The following OSBPL5 variants were observed in gnomAD, a reference collection of about 807,000 sequenced individuals.
OSBPL5 encodes oxysterol binding protein like 5.
In OSBPL5, 71 loss-of-function variants were observed where a neutral mutation model predicts 111.2. The observed-to-expected ratio is 0.64, with a 90% confidence interval of 0.53 to 0.78. The LOEUF is 0.78. Ranked by LOEUF, OSBPL5 falls within the 30% of genes least tolerant of loss-of-function variation. The pLI is 0.00. For missense variants in OSBPL5, 1,210 were observed against 1,189.3 expected (o/e 1.02, Z -0.26); for synonymous variants, 549 against 513.9 (o/e 1.07, Z -0.93).
chr11:3,122,334 G>C lies in OSBPL5; in HGVS notation c.300+14C>G. On this transcript the variant is annotated intron_variant, in intron 4 of 21. Transcript: ENST00000263650. ...ACAGTGACACTGCTGCACCCTCCCCGGGCCCGGGCTCACCTTGAGAGTCTC... is the reference window on the plus strand; with the variant it reads ...ACAGTGACACTGCTGCACCCTCCCCCGGCCCGGGCTCACCTTGAGAGTCTC... The C allele has an allele frequency of 6.2e-7, 1 of 1,611,242 alleles. No individual in the cohort carries two copies. The highest frequency in any genetic ancestry group is 8.5e-7 in the Non-Finnish European group (1 of 1,178,752).
intron 17 of OSBPL5, 88 bp from the exon 18 acceptor site, chr11:3,093,140 GAAGGCACAGA>G: frequency 2.2e-6 from 3 of 1,345,434 alleles, no homozygotes; most frequent in Non-Finnish European, 3.0e-6. Flanking sequence ...GCACCAGAAG[GAAGGCACAGA>G]GCAACCTCTG....
rs1234323014 is a variant in OSBPL5, at chr11:3,126,434, G to T, written c.219+39C>A. The T allele has an allele frequency of 1.9e-6, 3 of 1,542,080 alleles. No individual in the cohort carries two copies. The highest frequency in any genetic ancestry group is 2.8e-5 in the African/African-American group (2 of 72,682). ...CCGTTTCCTGCTGTCCCCAGAGCCAGGCTCTGGCTCATGGATCCTCCTATA... is the reference window on the plus strand; with the variant it reads ...CCGTTTCCTGCTGTCCCCAGAGCCATGCTCTGGCTCATGGATCCTCCTATA... On this transcript the variant is annotated intron_variant, in intron 3 of 21. Transcript: ENST00000263650. This position sits in a 1 kb window ranked among gnomAD's most constrained non-coding sequence, Gnocchi z 6.5.
intron 2 of OSBPL5, among the ~76,000 whole-genome samples, chr11:3,127,637 C>T (rs1413593631): frequency 1.3e-5 from 2 of 152,258 alleles, no homozygotes; most frequent in Admixed American, 1.3e-4. Flanking sequence ...AGCAGGAGCG[C>T]TCTTCCCTCT....
At chr11:3,117,239 C>T (rs1193701894) in intron 7 of OSBPL5, among the ~76,000 whole-genome samples, 3 of 149,364 alleles carry the variant, frequency 2.0e-5, no homozygotes, top group Admixed American at 6.6e-5. Context: ...CTTGGAAAAA[C>T]TGGCCTCATA....
Position 3,130,858 on chromosome 11 carries a change from AG to A in OSBPL5, c.-21-1690del, listed in dbSNP as rs1858800965. Reference sequence around the variant, plus strand: ...CACAACAAACACGTCCTACTTGCCCAGGTGCAGCTCAGGATGGGAACCAGCA... The same window carrying A: ...CACAACAAACACGTCCTACTTGCCCAGTGCAGCTCAGGATGGGAACCAGCA... On this transcript the variant is annotated intron_variant, in intron 1 of 21. Transcript: ENST00000263650. This position sits in a 1 kb window ranked among gnomAD's most constrained non-coding sequence, Gnocchi z 4.5. 6.6e-6 allele frequency among the ~76,000 whole-genome samples: 1 copy of A among 152,092 alleles called. No individual in the cohort carries two copies. The highest frequency in any genetic ancestry group is 1.5e-5 in the Non-Finnish European group (1 of 68,012).
chr11:3,116,687 T>G (rs2134447545), intron 7 of OSBPL5, among the ~76,000 whole-genome samples: 1 of 152,228 alleles, frequency 6.6e-6, no homozygotes, highest in African/African-American at 2.4e-5. Context: ...AAACCCCATC[T>G]CTACTAAAAG....
chr11:3,164,889 C>T (rs1847070039), intron 1 of OSBPL5, among the ~76,000 whole-genome samples: 1 of 152,106 alleles, frequency 6.6e-6, no homozygotes, highest in Non-Finnish European at 1.5e-5. Context: ...TTAAGCCCCA[C>T]CAAGTGGGGA....
chr11:3,134,057 G>C (rs1845886181), intron 1 of OSBPL5, among the ~76,000 whole-genome samples: 1 of 152,140 alleles, frequency 6.6e-6, no homozygotes, highest in South Asian at 2.1e-4. Flanking sequence ...GAAGGGTGCA[G>C]GCCTGGAGCT....
At position 3,093,538 on chromosome 11, in the gene OSBPL5, C is replaced by T. The variant is rs1431821212; in HGVS notation, c.1935G>A (p.Leu645=). 1.9e-6 allele frequency: 3 copies of T among 1,609,610 alleles called. No homozygotes were observed. The highest frequency in any genetic ancestry group is 2.7e-5 in the African/African-American group (2 of 75,070). Residue 645 remains leucine, a synonymous_variant, in exon 17 of 22, where the codon CTG becomes CTA. Transcript: ENST00000263650. ...HTVPLEEQTE[L]ESERLWQHVT... is the part of the protein sequence containing the mutation. ...CTGACAGGCCTCACCTCTCGGACTCCAGCTCCGTCTGCTCCTCCAGCGGCA... is the reference window on the plus strand; with the variant it reads ...CTGACAGGCCTCACCTCTCGGACTCTAGCTCCGTCTGCTCCTCCAGCGGCA...
At position 3,107,596 on chromosome 11, in the gene OSBPL5, C is replaced by G; in HGVS notation, c.867-141G>C. 1 of 1,350,958 alleles carries G rather than the reference C, an allele frequency of 7.4e-7. No individual in the cohort carries two copies. The highest frequency in any genetic ancestry group is 1.0e-6 in the Non-Finnish European group (1 of 972,666). The allele number at this position is 1,350,958 out of a possible 1,614,324, so 83.7% of individuals were successfully genotyped here. On this transcript the variant is annotated intron_variant, in intron 8 of 21. Coordinates refer to ENST00000263650, the MANE Select transcript of OSBPL5 (RefSeq NM_020896.4). The surrounding 1 kb of genome is among the most constrained non-coding windows in gnomAD (Gnocchi z 6.1). ...CTCCACAACCCACATTTGACACGAT[C>G]AGCCCCGTTTTAGAGGAAGGAACCG...
intron 1 of OSBPL5, among the ~76,000 whole-genome samples, chr11:3,133,953 G>A (rs1845880999): frequency 6.6e-6 from 1 of 151,690 alleles, no homozygotes. Flanking sequence ...AGGGAAGAGG[G>A]AGTGGCTGGG....
chr11:3,114,345 G>A (rs185184338), intron 7 of OSBPL5, among the ~76,000 whole-genome samples: 376 of 152,210 alleles, frequency 2.5e-3, no homozygotes, highest in Non-Finnish European at 3.7e-3. Flanking sequence ...AAAGAATCTT[G>A]TATGGTAAAT....
intron 1 of OSBPL5, among the ~76,000 whole-genome samples, chr11:3,150,211 A>T (rs12284986): frequency 0.06 from 9,104 of 152,204 alleles, 688 homozygotes; most frequent in African/African-American, 0.17. Flanking sequence ...CTGAGCCAGT[A>T]CAAAAAGGCA....
chr11:3,146,168 C>A lies in OSBPL5; in HGVS notation c.-21-16999G>T, dbSNP rs867936316. ...AAAAGAAAAATAAGCCAGGGTCCCG[C>A]GGCCCCGTCGGAGCTCTCAGACCAG... On this transcript the variant is annotated intron_variant, in intron 1 of 21. Transcript: ENST00000263650. The surrounding 1 kb of genome is among the most constrained non-coding windows in gnomAD (Gnocchi z 7.8). The A allele has an allele frequency of 6.6e-6, 1 of 152,218 alleles. No individual in the cohort carries two copies. The highest frequency in any genetic ancestry group is 2.4e-5 in the African/African-American group (1 of 41,418). 9.4% of individuals were successfully genotyped at this position (152,218 alleles called of 1,614,324 possible). A position where few individuals can be genotyped will look rare whatever the true frequency, so the allele number is the denominator to read the frequency against.
chr11:3,096,384 C>G (rs143148766), intron 14 of OSBPL5, among the ~76,000 whole-genome samples: 14,270 of 152,046 alleles, frequency 0.094, 876 homozygotes, highest in South Asian at 0.22. Context: ...TTTGGGAGGC[C>G]GAGGTAGGCT....
In OSBPL5 at chr11:3,092,449, G is replaced by C. The variant is rs1564820754; in HGVS notation, c.2242C>G (p.Pro748Ala). ...GTGCTGACCTCGTGCCTGGGCCCTG[G>C]GCTGCCCAGGAAGGTGGTCTGGCGG... ...VARQTTFLGS[P>A]GPRHERSGPD... Residue 748 changes from proline to alanine, a missense_variant, in exon 19 of 22, where the codon CCA (proline) becomes GCA (alanine). Pro to Ala is a conservative substitution (Grantham distance 27). Transcript: ENST00000263650. This position sits in a 1 kb window ranked among gnomAD's most constrained non-coding sequence, Gnocchi z 5.4. The C allele has an allele frequency of 1.3e-5, 21 of 1,580,738 alleles. No homozygotes were observed.
At chr11:3,139,007 G>A (rs1846030829) in intron 1 of OSBPL5, among the ~76,000 whole-genome samples, 1 of 152,244 alleles carries the variant, frequency 6.6e-6, no homozygotes, top group Non-Finnish European at 1.5e-5. Flanking sequence ...GCCCTCCAGG[G>A]GCACCTGAGC....
chr11:3,126,348 T>C lies in OSBPL5; in HGVS notation c.219+125A>G, dbSNP rs1858623881. ...CAGCACAGTCTAGGATTGGGAGCTG[T>C]TTCCCCCGAACAGGCTGGAATGGCA... is the stretch of plus-strand genomic sequence containing the variant. On this transcript the variant is annotated intron_variant, in intron 3 of 21. Coordinates refer to ENST00000263650, the MANE Select transcript of OSBPL5 (RefSeq NM_020896.4). The surrounding 1 kb of genome is among the most constrained non-coding windows in gnomAD (Gnocchi z 6.5). The C allele has an allele frequency of 2.4e-6, 2 of 835,794 alleles. No homozygotes were observed. The highest frequency in any genetic ancestry group is 3.2e-5 in the Admixed American group (1 of 30,888). The allele number at this position is 835,794 out of a possible 1,614,324, so 51.8% of individuals were successfully genotyped here.
intron 13 of OSBPL5, among the ~76,000 whole-genome samples, chr11:3,101,159 G>C (rs1410693861): frequency 6.6e-6 from 1 of 151,920 alleles, no homozygotes; most frequent in Non-Finnish European, 1.5e-5. Context: ...ATTTTTAGTA[G>C]AGACAGGGTT....
Sources: allele counts gnomAD v4.1 joint callset (sites outside exome capture counted in the v4.1 genomes callset), GRCh38; gene constraint gnomAD v4.1.1; non-coding constraint Gnocchi (gnomAD v3.1); transcripts MANE v1.5; gene names NCBI Gene and HGNC (gene_info 2026-07-23, HGNC 2026-07-21).